ABHD17B: variants seen among roughly 807,000 people sequenced by gnomAD.
ABHD17B encodes the protein alpha/beta hydrolase domain-containing protein 17B.
A neutral mutation model predicts 26.2 loss-of-function variants in ABHD17B; 9 were observed. The ratio of observed to expected loss-of-function variants is 0.34; its 90% CI spans 0.21 to 0.60. The LOEUF (loss-of-function observed/expected upper bound fraction) is 0.60, where lower values mean the gene tolerates loss of function less well. Among genes scored for constraint, ABHD17B ranks in the 20% least tolerant of loss-of-function variants. The pLI is 0.80. For missense variants in ABHD17B, 224 were observed against 352.1 expected (o/e 0.64, Z 2.91); for synonymous variants, 127 against 122.3 (o/e 1.04, Z -0.25).
chr9:71,883,367 C>T lies in ABHD17B; in HGVS notation c.-3-8284G>A, dbSNP rs73647026. The stretch of plus-strand genomic sequence containing the variant: ...TGGTGCTGGTACAGAAACAAATAGA[C>T]CTAGTAACAGAGCTTATGAATAAAC... On this transcript the variant is annotated intron_variant, in intron 1 of 3. Coordinates refer to ENST00000333421, the MANE Select transcript of ABHD17B (RefSeq NM_001025780.3). Among the ~76,000 whole-genome samples, 906 of 152,202 alleles carry T rather than the reference C, an allele frequency of 6.0e-3. 6 individuals are homozygous for T. The highest frequency in any genetic ancestry group is 0.021 in the African/African-American group (862 of 41,518).
At chr9:71,907,378 T>C (rs558123530) in intron 1 of ABHD17B, among the ~76,000 whole-genome samples, 47 of 152,218 alleles carry the variant, frequency 3.1e-4, no homozygotes, top group African/African-American at 1.0e-3. Context: ...GTTCATAGGA[T>C]AAAGGTATGT....
At chr9:71,901,405 A>G (rs1397175864) in intron 1 of ABHD17B, among the ~76,000 whole-genome samples, 3 of 152,164 alleles carry the variant, frequency 2.0e-5, no homozygotes, top group Non-Finnish European at 4.4e-5. Flanking sequence ...TCAATCTTCA[A>G]TTTATACAGG....
intron 3 of ABHD17B, among the ~76,000 whole-genome samples, chr9:71,868,375 G>T (rs143664226): frequency 2.0e-3 from 297 of 152,286 alleles, no homozygotes; most frequent in African/African-American, 6.9e-3. Context: ...AGGCAACCAA[G>T]AATTATCAGA....
At chr9:71,907,079 C>T (rs566528038) in intron 1 of ABHD17B, among the ~76,000 whole-genome samples, 7 of 152,226 alleles carry the variant, frequency 4.6e-5, no homozygotes, top group Non-Finnish European at 8.8e-5. Context: ...GGGTCAAGAA[C>T]CACTGCTCTA....
Position 71,911,127 on chromosome 9 carries a change from AG to A in ABHD17B, c.-498del, listed in dbSNP as rs1298770609. ...GCGCGAGGCTCGTTCCGGTAGCGGG[AG>A]GAAGACTGGAGGGGAACGGAGGGGA... On this transcript the variant is annotated 5_prime_UTR_variant, in exon 1 of 4. Transcript: ENST00000333421. Among the ~76,000 whole-genome samples, 1 of 151,978 alleles carries A rather than the reference AG, an allele frequency of 6.6e-6. No homozygotes were observed. Among genetic ancestry groups the A allele is most frequent in the Non-Finnish European group, 1.5e-5 (1 of 67,980 alleles).
intron 3 of ABHD17B, among the ~76,000 whole-genome samples, chr9:71,869,178 A>G (rs1426433038): frequency 2.0e-5 from 3 of 152,194 alleles, no homozygotes; most frequent in Non-Finnish European, 1.5e-5. Context: ...AACAAACCCA[A>G]AACAAAATAA....
At chr9:71,879,940 T>C (rs1826391471) in intron 1 of ABHD17B, among the ~76,000 whole-genome samples, 1 of 152,160 alleles carries the variant, frequency 6.6e-6, no homozygotes. Context: ...TCATAACTAC[T>C]GTTTTGTGGA....
intron 1 of ABHD17B, among the ~76,000 whole-genome samples, chr9:71,882,846 T>C (rs1277860932): frequency 2.6e-5 from 4 of 151,860 alleles, no homozygotes; most frequent in African/African-American, 9.7e-5. Flanking sequence ...ATTCTGTGAA[T>C]ATATATATTA....
chr9:71,863,518 T>C (rs1024754381), downstream of ABHD17B, among the ~76,000 whole-genome samples: 1 of 152,116 alleles, frequency 6.6e-6, no homozygotes, highest in African/African-American at 2.4e-5. Context: ...GAAATCAAAA[T>C]GGAATACAAA....
chr9:71,890,283 C>CT (rs1341982325), intron 1 of ABHD17B, among the ~76,000 whole-genome samples: 1 of 152,000 alleles, frequency 6.6e-6, no homozygotes, highest in Non-Finnish European at 1.5e-5. Flanking sequence ...GAGCTGGACT[C>CT]TGTCACACAG....
chr9:71,870,104 T>C lies in ABHD17B; in HGVS notation c.626A>G (p.Tyr209Cys), dbSNP rs768570085. Residue 209 changes from tyrosine (Y) to cysteine (C), a missense_variant, in exon 3 of 4, where the codon TAC becomes TGC. Tyr to Cys is a radical substitution (Grantham distance 194, BLOSUM62 -2). Transcript: ENST00000333421. ...RVAFPDTKKT[Y>C]CFDAFPNIDK... ...TTACTTTGGGAATGCATCAAAACAG[T>C]AGGTCTTCTTGGTATCAGGAAAGGC... The C allele has an allele frequency of 3.7e-6, 6 of 1,610,832 alleles. No homozygotes were observed. Among genetic ancestry groups the C allele is most frequent in the East Asian group, 2.2e-5 (1 of 44,860 alleles).
At chr9:71,886,253 T>C (rs1375158642) in intron 1 of ABHD17B, among the ~76,000 whole-genome samples, 1 of 152,094 alleles carries the variant, frequency 6.6e-6, no homozygotes, top group African/African-American at 2.4e-5. Context: ...AGAAGCTGAA[T>C]ATTCACCTTG....
chr9:71,895,504 T>C (rs186941921), intron 1 of ABHD17B, among the ~76,000 whole-genome samples: 2 of 152,324 alleles, frequency 1.3e-5, no homozygotes, highest in African/African-American at 4.8e-5. Context: ...CTGCCTTCTG[T>C]AGAATACCAG....
At chr9:71,865,058 T>C (rs528947980), downstream of ABHD17B, 1 of 695,874 alleles carries the variant, frequency 1.4e-6, no homozygotes, top group Admixed American at 6.3e-5. Context: ...TTTTAAAAAT[T>C]TTCAAACTAT....
rs1234492483 is a variant in ABHD17B, at chr9:71,865,448, AT to A, written c.*1338del. ...CTTAGTTTTTGTATGTGTGAGCTTT[AT>A]TTTTTTACTATATTGGTTAATATAA... On this transcript the variant is annotated 3_prime_UTR_variant, in exon 4 of 4. Transcript: ENST00000333421. The A allele has an allele frequency of 1.0e-6, 1 of 984,004 alleles. No homozygotes were observed. Among genetic ancestry groups the A allele is most frequent in the Non-Finnish European group, 1.2e-6 (1 of 828,686 alleles). The allele number at this position is 984,004 out of a possible 1,614,324, so 61.0% of individuals were successfully genotyped here.
intron 1 of ABHD17B, among the ~76,000 whole-genome samples, chr9:71,878,947 G>A (rs1330797845): frequency 6.6e-6 from 1 of 152,152 alleles, no homozygotes; most frequent in East Asian, 1.9e-4. Context: ...CTTGAGCCCA[G>A]GAATTGAAAA....
Position 71,866,457 on chromosome 9 carries a change from A to G in ABHD17B, c.*330T>C, listed in dbSNP as rs1362076609. ...ATTGAGATGTTTTAAAAATATTTATAAATTTGTTTCTAGTATGCAAAAGCA... is the reference window on the plus strand; with the variant it reads ...ATTGAGATGTTTTAAAAATATTTATGAATTTGTTTCTAGTATGCAAAAGCA... On this transcript the variant is annotated 3_prime_UTR_variant, in exon 4 of 4. Transcript: ENST00000333421. 1 of 1,014,376 alleles carries G rather than the reference A, an allele frequency of 9.9e-7. No homozygotes were observed. The allele number at this position is 1,014,376 out of a possible 1,614,324, so 62.8% of individuals were successfully genotyped here. A position where few individuals can be genotyped will look rare whatever the true frequency, so the allele number is the denominator to read the frequency against.
chr9:71,908,346 C>A (rs1029255935), intron 1 of ABHD17B, among the ~76,000 whole-genome samples: 1 of 148,622 alleles, frequency 6.7e-6, no homozygotes, highest in Admixed American at 6.8e-5. Context: ...GAGCCGAGAT[C>A]GCGCCATTGC....
intron 1 of ABHD17B, among the ~76,000 whole-genome samples, chr9:71,900,652 CAAAAAAAAAAA>C (rs35196879): frequency 1.2e-4 from 8 of 69,422 alleles, no homozygotes; most frequent in African/African-American, 4.1e-4. Context: ...ACTCCATCTC[CAAAAAAAAAAA>C]AAAAAAAAAA....
Sources: allele counts gnomAD v4.1 joint callset (sites outside exome capture counted in the v4.1 genomes callset), GRCh38; gene constraint gnomAD v4.1.1; transcripts MANE v1.5; gene names NCBI Gene and HGNC (gene_info 2026-07-23, HGNC 2026-07-21).